The following BFSP2 variants were observed in gnomAD, a reference collection of about 807,000 sequenced individuals.
BFSP2 encodes phakinin.
BFSP2 carries 38 observed loss-of-function variants against 44.9 expected under a neutral mutation model. The ratio of observed to expected loss-of-function variants is 0.85; its 90% CI spans 0.65 to 1.11. BFSP2 has a LOEUF of 1.11. Ranked by LOEUF, BFSP2 falls within the 50% of genes least tolerant of loss-of-function variation. The pLI, the probability that BFSP2 is intolerant of heterozygous loss-of-function variation, is 0.00. For missense variants in BFSP2, 525 were observed against 533.0 expected (o/e 0.99, Z 0.15); for synonymous variants, 197 against 209.9 (o/e 0.94, Z 0.53).
chr3:133,416,286 G>C (rs1303231411), intron 1 of BFSP2, among the ~76,000 whole-genome samples: 89 of 76,108 alleles, frequency 1.2e-3, no homozygotes, highest in South Asian at 2.4e-3. Context: ...CCTGTCCTCT[G>C]CCCTCTACTC....
chr3:133,474,424 C>T (rs934537929), intron 6 of BFSP2, among the ~76,000 whole-genome samples: 1 of 152,190 alleles, frequency 6.6e-6, no homozygotes, highest in Admixed American at 6.5e-5. Flanking sequence ...ATTCAGAAGG[C>T]GGGAGAGCCT....
At chr3:133,405,206 G>A (rs888297497) in intron 1 of BFSP2, among the ~76,000 whole-genome samples, 5 of 152,168 alleles carry the variant, frequency 3.3e-5, no homozygotes, top group African/African-American at 7.2e-5. Context: ...AAAGGGGAGC[G>A]CAGAGGTTCT....
rs2073949227 is a variant in BFSP2, at chr3:133,450,232, T to G, written c.730-71T>G. 3 of 1,567,418 alleles carry G rather than the reference T, an allele frequency of 1.9e-6. No individual in the cohort carries two copies. In the South Asian group the frequency reaches 3.4e-5, roughly 18 times the overall value. ...AAAGAATTGCCCACAGAGCTGGTTT[T>G]CTGCTGGCTAGAATTCTATGCCATT... On this transcript the variant is annotated intron_variant, in intron 3 of 6. Coordinates refer to ENST00000302334, the MANE Select transcript of BFSP2 (RefSeq NM_003571.4).
chr3:133,467,618 ATTAT>A (rs1220941971), intron 5 of BFSP2, among the ~76,000 whole-genome samples: 1 of 152,022 alleles, frequency 6.6e-6, no homozygotes, highest in African/African-American at 2.4e-5. Context: ...TTCATTATTA[ATTAT>A]TTATTAAAAT....
At position 133,400,611 on chromosome 3, in the gene BFSP2, T is replaced by C; in HGVS notation, c.489+39T>C. ...CTGTGCCAAGGGCTTTGCAGAGGGCTGGGAGGGGCTGCTGAAGGCAGCGGG... is the reference window on the plus strand; with the variant it reads ...CTGTGCCAAGGGCTTTGCAGAGGGCCGGGAGGGGCTGCTGAAGGCAGCGGG... On this transcript the variant is annotated intron_variant, in intron 1 of 6. Transcript: ENST00000302334. This position sits in a 1 kb window ranked among gnomAD's most constrained non-coding sequence, Gnocchi z 4.0. 6.4e-7 allele frequency: 1 copy of C among 1,561,750 alleles called. No homozygotes were observed. Among genetic ancestry groups the C allele is most frequent in the Non-Finnish European group, 8.7e-7 (1 of 1,153,744 alleles).
chr3:133,453,979 A>G (rs2073990483), intron 4 of BFSP2, among the ~76,000 whole-genome samples: 1 of 152,150 alleles, frequency 6.6e-6, no homozygotes, highest in African/African-American at 2.4e-5. Context: ...CTGAAGTTGT[A>G]TGATTCAGTG....
intron 1 of BFSP2, among the ~76,000 whole-genome samples, chr3:133,440,690 C>T (rs1009944169): frequency 1.3e-5 from 2 of 152,122 alleles, no homozygotes; most frequent in African/African-American, 4.8e-5. Flanking sequence ...ACACTTTGTC[C>T]TCAGCATGAC....
At chr3:133,453,585 G>T (rs1330829094) in intron 4 of BFSP2, among the ~76,000 whole-genome samples, 1 of 152,192 alleles carries the variant, frequency 6.6e-6, no homozygotes, top group African/African-American at 2.4e-5. Context: ...GAAGAATTGT[G>T]AGAAACGGTA....
chr3:133,424,610 GTTTGTTT>G (rs2073626893), intron 1 of BFSP2, among the ~76,000 whole-genome samples: 1 of 149,962 alleles, frequency 6.7e-6, no homozygotes, highest in Non-Finnish European at 1.5e-5. Context: ...TTGTGGGTTT[GTTTGTTT>G]TTTGTTTTTG....
chr3:133,430,540 C>T (rs1049272737), intron 1 of BFSP2, among the ~76,000 whole-genome samples: 5 of 152,150 alleles, frequency 3.3e-5, no homozygotes, highest in African/African-American at 1.2e-4. Flanking sequence ...ACATACTCGA[C>T]AGTAGTTCCA....
Position 133,472,436 on chromosome 3 carries a change from C to T in BFSP2, c.1115C>T (p.Ala372Val), listed in dbSNP as rs139944598. The part of the protein sequence containing the change: ...NLGAVVGRLE[A>V]ELREIRAEAE... The stretch of plus-strand genomic sequence containing the variant: ...GGCGCTGTGGTCGGCCGGCTGGAGG[C>T]GGAGCTCAGGGAAATCCGAGCGGAG... The change falls in exon 6 of 7, where the codon GCG becomes GTG. Residue 372 changes from alanine to valine, a missense_variant. Physicochemically the swap from Ala to Val is moderately conservative, Grantham distance 64 (BLOSUM62 0). Transcript: ENST00000302334. 4.3e-4 allele frequency: 691 copies of T among 1,614,098 alleles called. 1 individual carries two copies. Among genetic ancestry groups the T allele is most frequent in the Non-Finnish European group, 5.6e-4 (656 of 1,180,008 alleles).
At chr3:133,457,506 C>G (rs2074022912) in intron 4 of BFSP2, among the ~76,000 whole-genome samples, 1 of 152,096 alleles carries the variant, frequency 6.6e-6, no homozygotes, top group Admixed American at 6.5e-5. Context: ...TTATCCTTTT[C>G]TTGTATGTCA....
At chr3:133,411,672 T>A (rs2073455161) in intron 1 of BFSP2, among the ~76,000 whole-genome samples, 1 of 151,850 alleles carries the variant, frequency 6.6e-6, no homozygotes, top group African/African-American at 2.4e-5. Flanking sequence ...AAGGCAGCAC[T>A]TGAAGCCAAT....
intron 1 of BFSP2, among the ~76,000 whole-genome samples, chr3:133,411,075 AG>A (rs2073447621): frequency 6.6e-6 from 1 of 152,190 alleles, no homozygotes; most frequent in Non-Finnish European, 1.5e-5. Flanking sequence ...TATTAAAGTA[AG>A]TCAGTTATAG....
chr3:133,449,982 A>AAAGGAAGGAAGGAAGGAAGGAAGGAAGG lies in BFSP2; in HGVS notation c.730-311_730-284dup, dbSNP rs71136469. On this transcript the variant is annotated intron_variant, in intron 3 of 6. Transcript: ENST00000302334. ...GAGAAAGAGAAAGAAGGAAAGAAGG[A>AAAGGAAGGAAGGAAGGAAGGAAGGAAGG]AAGGAAGGAAGGAAGGAAGGAAGGA... Among the ~76,000 whole-genome samples, 279 of 86,376 alleles carry AAAGGAAGGAAGGAAGGAAGGAAGGAAGG rather than the reference A, an allele frequency of 3.2e-3. 5 individuals carry two copies. The highest frequency in any genetic ancestry group is 6.5e-3 in the African/African-American group (134 of 20,644). 56.7% of individuals were successfully genotyped at this position (86,376 alleles called of 152,430 possible). A position where few individuals can be genotyped will look rare whatever the true frequency, so the allele number is the denominator to read the frequency against.
At chr3:133,410,115 G>C (rs2073436371) in intron 1 of BFSP2, 1 of 171,490 alleles carries the variant, frequency 5.8e-6, no homozygotes, top group Non-Finnish European at 1.3e-5. Flanking sequence ...TGTATCCAGA[G>C]TAGGCTTGGA....
chr3:133,447,266 T>A (rs759197493), intron 1 of BFSP2, 51 bp from the exon 2 acceptor site: 1 of 1,597,834 alleles, frequency 6.3e-7, no homozygotes, highest in South Asian at 1.1e-5. Flanking sequence ...TGGTAAGTGA[T>A]CTTGACGCTC....
rs2073356638 is a variant in BFSP2 at position 133,400,748 on chromosome 3, G to A, written c.489+176G>A. On this transcript the variant is annotated intron_variant, in intron 1 of 6. Transcript: ENST00000302334. The surrounding 1 kb of genome is among the most constrained non-coding windows in gnomAD (Gnocchi z 4.0). ...TACCTTTTACCGAGGTTTACTAGGA[G>A]CCCACGCTAGCCCCCATACGTGCAC... Among the ~76,000 whole-genome samples, 1 of 152,224 alleles carries A rather than the reference G, an allele frequency of 6.6e-6. No homozygotes were observed. The highest frequency in any genetic ancestry group is 1.5e-5 in the Non-Finnish European group (1 of 68,038).
intron 1 of BFSP2, among the ~76,000 whole-genome samples, chr3:133,404,345 A>C (rs2073386364): frequency 6.6e-6 from 1 of 152,082 alleles, no homozygotes; most frequent in Non-Finnish European, 1.5e-5. Flanking sequence ...TGCCCCTGGG[A>C]GCCCCTTCTG....
Sources: allele counts gnomAD v4.1 joint callset (sites outside exome capture counted in the v4.1 genomes callset), GRCh38; gene constraint gnomAD v4.1.1; non-coding constraint Gnocchi (gnomAD v3.1); transcripts MANE v1.5; gene names NCBI Gene and HGNC (gene_info 2026-07-23, HGNC 2026-07-21).